PDGFC: variants seen among roughly 807,000 people sequenced by gnomAD.
PDGFC encodes the protein platelet-derived growth factor C.
PDGFC carries 12 observed loss-of-function variants against 35.5 expected under a neutral mutation model. The ratio of observed to expected loss-of-function variants is 0.34; its 90% CI spans 0.22 to 0.55. PDGFC has a LOEUF of 0.55. Among genes scored for constraint, PDGFC ranks in the 20% least tolerant of loss-of-function variants. PDGFC has a pLI of 0.91. For synonymous variants in PDGFC, 159 were observed against 148.8 expected (o/e 1.07, Z -0.50); for missense variants, 322 against 412.4 (o/e 0.78, Z 1.90).
chr4:156,773,814 A>G (rs1730749860), intron 3 of PDGFC: 1 of 152,218 alleles, frequency 6.6e-6, no homozygotes, highest in Admixed American at 6.5e-5. Context: ...AGCTGATGTA[A>G]CTGATAAGCA....
At chr4:156,967,086 C>T (rs1010376954) in intron 1 of PDGFC, among the ~76,000 whole-genome samples, 22 of 148,392 alleles carry the variant, frequency 1.5e-4, no homozygotes, top group Admixed American at 1.1e-3. Flanking sequence ...AAAAAGGTCA[C>T]GCAATAAAAC....
chr4:156,779,963 C>G (rs908696107), intron 3 of PDGFC, among the ~76,000 whole-genome samples: 5 of 152,136 alleles, frequency 3.3e-5, no homozygotes, highest in African/African-American at 1.2e-4. Flanking sequence ...GAGTCAGAGT[C>G]AATACACAGT....
At chr4:156,935,338 A>C (rs551995160) in intron 1 of PDGFC, among the ~76,000 whole-genome samples, 1 of 152,338 alleles carries the variant, frequency 6.6e-6, no homozygotes, top group African/African-American at 2.4e-5. Context: ...ATATACTCTA[A>C]AATAATAAAT....
chr4:156,824,045 A>T (rs932742988), intron 2 of PDGFC, among the ~76,000 whole-genome samples: 1 of 151,918 alleles, frequency 6.6e-6, no homozygotes, highest in Non-Finnish European at 1.5e-5. Context: ...ATAGAAACAG[A>T]AATTAGAAAG....
chr4:156,947,352 C>G (rs1464990895), intron 1 of PDGFC, among the ~76,000 whole-genome samples: 1 of 152,000 alleles, frequency 6.6e-6, no homozygotes, highest in Non-Finnish European at 1.5e-5. Context: ...ACTCAAAACT[C>G]TCTTTTAATT....
chr4:156,953,298 T>G (rs1472345897), intron 1 of PDGFC, among the ~76,000 whole-genome samples: 1 of 151,880 alleles, frequency 6.6e-6, no homozygotes, highest in Non-Finnish European at 1.5e-5. Flanking sequence ...AAGAGCCAAA[T>G]CAAACAGCCA....
intron 3 of PDGFC, among the ~76,000 whole-genome samples, chr4:156,809,520 T>C (rs1037200885): frequency 1.9e-4 from 29 of 151,994 alleles, no homozygotes; most frequent in African/African-American, 6.0e-4. Context: ...CAACTCAGCA[T>C]TCAAGTATTT....
chr4:156,772,722 G>T lies in PDGFC; in HGVS notation c.667C>A (p.Leu223Ile). 6.2e-7 allele frequency: 1 copy of T among 1,613,444 alleles called. No homozygotes were observed. The highest frequency in any genetic ancestry group is 1.3e-5 in the African/African-American group (1 of 75,006). Residue 223 changes from leucine (L) to isoleucine (I), a missense_variant, in exon 4 of 6, where the codon CTT becomes ATT. By Grantham distance (5) the Leu-to-Ile change is conservative. Coordinates refer to ENST00000502773, the MANE Select transcript of PDGFC (RefSeq NM_016205.3). ...CTTCCAAAAACAAAAGCCTTGCCAA[G>T]AAGTTGCCAAGTTGGCCTATATAGA... ...EDLYRPTWQL[L>I]GKAFVFGRKS...
At chr4:156,785,920 T>C (rs527372291) in intron 3 of PDGFC, among the ~76,000 whole-genome samples, 2 of 152,266 alleles carry the variant, frequency 1.3e-5, no homozygotes, top group African/African-American at 4.8e-5. Context: ...TTCTTTGCCT[T>C]GTTCTTTACC....
chr4:156,920,999 G>C (rs920920585), intron 1 of PDGFC, among the ~76,000 whole-genome samples: 1 of 152,144 alleles, frequency 6.6e-6, no homozygotes, highest in Admixed American at 6.5e-5. Flanking sequence ...TGTTAACTGA[G>C]AATGAACCTC....
intron 2 of PDGFC, among the ~76,000 whole-genome samples, chr4:156,816,353 G>A (rs1248640637): frequency 2.0e-5 from 3 of 152,156 alleles, no homozygotes; most frequent in African/African-American, 7.2e-5. Context: ...ACATTCTACA[G>A]TGTGTATTGG....
At chr4:156,901,739 C>T (rs1392510602) in intron 1 of PDGFC, among the ~76,000 whole-genome samples, 2 of 152,152 alleles carry the variant, frequency 1.3e-5, no homozygotes, top group Non-Finnish European at 2.9e-5. Context: ...TCTCGTGCCT[C>T]GGCCTCCTGA....
At chr4:156,881,827 CAAAAAAAAA>C (rs758716456) in intron 1 of PDGFC, among the ~76,000 whole-genome samples, 1 of 82,258 alleles carries the variant, frequency 1.2e-5, no homozygotes, top group Non-Finnish European at 2.6e-5. Flanking sequence ...GCCTCAGTCT[CAAAAAAAAA>C]AAAAAAAAAG....
At chr4:156,899,184 G>C (rs1326695128) in intron 1 of PDGFC, among the ~76,000 whole-genome samples, 2 of 152,158 alleles carry the variant, frequency 1.3e-5, no homozygotes, top group Non-Finnish European at 2.9e-5. Context: ...GTTCCAAAAT[G>C]CAAAACTTGA....
rs573775416 is a variant in PDGFC at position 156,938,138 on chromosome 4, T to TAC, written c.118+32646_118+32647dup. On this transcript the variant is annotated intron_variant, in intron 1 of 5. Coordinates refer to ENST00000502773, the MANE Select transcript of PDGFC (RefSeq NM_016205.3). ...TTTAAGTTAGTTTGTTATATGAAAA[T>TAC]ACACACACACACACATACATAACAT... Among the ~76,000 whole-genome samples the TAC allele has an allele frequency of 6.3e-3, 959 of 151,142 alleles. 11 individuals are homozygous for TAC. Among genetic ancestry groups the TAC allele is most frequent in the African/African-American group, 0.021 (880 of 41,294 alleles).
intron 1 of PDGFC, among the ~76,000 whole-genome samples, chr4:156,933,130 T>C (rs1731593433): frequency 6.6e-6 from 1 of 152,146 alleles, no homozygotes. Context: ...ATAGGGTTCT[T>C]TAAAGACCTA....
At chr4:156,864,460 A>C (rs1729787360) in intron 1 of PDGFC, among the ~76,000 whole-genome samples, 1 of 152,188 alleles carries the variant, frequency 6.6e-6, no homozygotes, top group African/African-American at 2.4e-5. Context: ...TCAAAAGTCA[A>C]ATATTGTTTT....
At chr4:156,953,348 T>C (rs535348649) in intron 1 of PDGFC, among the ~76,000 whole-genome samples, 9 of 152,036 alleles carry the variant, frequency 5.9e-5, no homozygotes, top group Admixed American at 1.3e-4. Flanking sequence ...ACTGTCCAAG[T>C]TGTTTTCTAG....
At chr4:156,771,637 AT>A (rs1274298823) in intron 4 of PDGFC, among the ~76,000 whole-genome samples, 3 of 152,172 alleles carry the variant, frequency 2.0e-5, no homozygotes, top group African/African-American at 7.2e-5. Context: ...ACCTGCTGAG[AT>A]TAAAGCTCAT....
Sources: allele counts gnomAD v4.1 joint callset (sites outside exome capture counted in the v4.1 genomes callset), GRCh38; gene constraint gnomAD v4.1.1; transcripts MANE v1.5; gene names NCBI Gene and HGNC (gene_info 2026-07-23, HGNC 2026-07-21).